The following HDC variants were observed in gnomAD, a reference collection of about 807,000 sequenced individuals.
HDC encodes histidine decarboxylase.
Under a neutral mutation model 64.4 loss-of-function variants are expected in HDC, and 27 were observed. The ratio of observed to expected loss-of-function variants is 0.42; its 90% CI spans 0.31 to 0.58. HDC has a LOEUF of 0.58. HDC is among the 20% of genes least tolerant of loss of function. The probability of loss-of-function intolerance (pLI) is 0.16; values close to 1 mark genes in which losing one functional copy is unlikely to be tolerated. For synonymous variants in HDC, 305 were observed against 314.2 expected (o/e 0.97, Z 0.31); for missense variants, 711 against 833.9 (o/e 0.85, Z 1.81).
chr15:50,264,505 A>T (rs1422705648), intron 1 of HDC, among the ~76,000 whole-genome samples: 1 of 152,236 alleles, frequency 6.6e-6, no homozygotes, highest in African/African-American at 2.4e-5. Flanking sequence ...GGAAGGAAAA[A>T]AAAGTCAAGT....
At chr15:50,251,427 T>C (rs1405355229) in intron 9 of HDC, among the ~76,000 whole-genome samples, 1 of 152,178 alleles carries the variant, frequency 6.6e-6, no homozygotes, top group Non-Finnish European at 1.5e-5. Context: ...ATTTTACAGA[T>C]AAGGAAAGCA....
rs2045408047 is a variant in HDC at position 50,242,426 on chromosome 15, C to T, written c.1823G>A (p.Gly608Asp). The T allele has an allele frequency of 6.2e-7, 1 of 1,614,142 alleles. No homozygotes were observed. Among genetic ancestry groups the T allele is most frequent in the Non-Finnish European group, 8.5e-7 (1 of 1,180,014 alleles). ...LPTEASVKNG[G>D]SSRVRIFSRF... ...GGAAAAGATTCTGACCCTGGAGGAG[C>T]CCCCATTCTTCACAGAGGCCTCTGT... Residue 608 changes from glycine to aspartate, a missense_variant, in exon 12 of 12, where the codon GGC becomes GAC. Around this residue, in one of 3 missense-constraint regions of HDC, gnomAD observed 483 missense variants for 540.9 expected, o/e 0.89. Coordinates refer to ENST00000267845, the MANE Select transcript of HDC (RefSeq NM_002112.4).
intron 3 of HDC, 47 bp from the exon 4 acceptor site, chr15:50,257,594 A>G: frequency 6.2e-7 from 1 of 1,607,936 alleles, no homozygotes; most frequent in Non-Finnish European, 8.5e-7. Flanking sequence ...CAGGGCACTG[A>G]GGTGCCCCCA....
chr15:50,252,698 C>G lies in HDC; in HGVS notation c.864G>C (p.Gly288=). The change falls in exon 8 of 12, where the codon GGG becomes GGC. Residue 288 remains glycine (G), a synonymous_variant. Transcript: ENST00000267845. ...GTAFLCPEFR[G]FLKGIEYADS... is the part of the protein sequence containing the mutation. Reference sequence around the variant, plus strand: ...CGGCATACTCAATCCCCTTCAGAAACCCCCGGAACTCGGGGCACAGGAAGG... The same window carrying G: ...CGGCATACTCAATCCCCTTCAGAAAGCCCCGGAACTCGGGGCACAGGAAGG... 6.2e-7 allele frequency: 1 copy of G among 1,614,080 alleles called. No individual in the cohort carries two copies. Among genetic ancestry groups the G allele is most frequent in the Non-Finnish European group, 8.5e-7 (1 of 1,180,018 alleles).
At position 50,248,754 on chromosome 15, in the gene HDC, AAGT is replaced by A. The variant is rs1219976274; in HGVS notation, c.1042-414_1042-412del. ...CTATTTTTATTCCTCCCAAAATGTA[AAGT>A]ATGGTAGTTAGAGCACAGACACTAG... On this transcript the variant is annotated intron_variant, in intron 9 of 11. Transcript: ENST00000267845. This position sits in a 1 kb window ranked among gnomAD's most constrained non-coding sequence, Gnocchi z 4.3. 6.6e-6 allele frequency among the ~76,000 whole-genome samples: 1 copy of A among 152,188 alleles called. No individual in the cohort carries two copies.
At chr15:50,246,925 T>C (rs546254485) in intron 10 of HDC, among the ~76,000 whole-genome samples, 3 of 152,116 alleles carry the variant, frequency 2.0e-5, no homozygotes, top group Non-Finnish European at 4.4e-5. Flanking sequence ...AAAGGTAAAA[T>C]TACCAACATT....
In HDC at chr15:50,254,148, C is replaced by T. The variant is rs1401549333; in HGVS notation, c.702G>A (p.Arg234=). 1 of 1,614,214 alleles carries T rather than the reference C, an allele frequency of 6.2e-7. No individual in the cohort carries two copies. Among genetic ancestry groups the T allele is most frequent in the East Asian group, 2.2e-5 (1 of 44,890 alleles). ...LQKAIEEDKQ[R]GLVPVFVCAT... ...GACTTACAAAGACGGGCACCAAGCC[C>T]CGCTGCTTGTCTTCCTCGATGGCCT... Residue 234 remains arginine, a synonymous_variant, in exon 6 of 12, where the codon CGG becomes CGA. Coordinates refer to ENST00000267845, the MANE Select transcript of HDC (RefSeq NM_002112.4).
In HDC at chr15:50,254,667, G is replaced by T. The variant is rs1288919954; in HGVS notation, c.442-3C>A. ...AAAGTGGATTCACTGACCGTGCTCT[G>T]CAGGGGAAAAGGATTATCATGGCAG... On this transcript the variant is annotated splice_polypyrimidine_tract_variant and splice_region_variant and intron_variant, in intron 4 of 11. Transcript: ENST00000267845. 1.2e-6 allele frequency: 2 copies of T among 1,613,878 alleles called. No homozygotes were observed. Among genetic ancestry groups the T allele is most frequent in the Non-Finnish European group, 1.7e-6 (2 of 1,179,954 alleles).
chr15:50,246,283 G>A (rs1383061602), intron 10 of HDC, among the ~76,000 whole-genome samples: 2 of 152,194 alleles, frequency 1.3e-5, no homozygotes, highest in African/African-American at 4.8e-5. Flanking sequence ...TCACCGTCAA[G>A]TTGAAGAGAT....
At chr15:50,245,003 TCTC>T (rs942722149) in intron 10 of HDC, 2 of 152,108 alleles carry the variant, frequency 1.3e-5, no homozygotes, top group Non-Finnish European at 2.9e-5. Flanking sequence ...AGTAGGTAGA[TCTC>T]CTCCCACTGT....
In HDC at chr15:50,254,545, G is replaced by A. The variant is rs35806322; in HGVS notation, c.561C>T (p.Ala187=). The part of the protein sequence containing the change: ...DESCLNARLV[A]YASDQAHSSV... ...GGCAACTCACCTGGTCAGAGGCATA[G>A]GCCACGAGTCGGGCATTTAGGCAGG... Residue 187 remains alanine, a synonymous_variant, in exon 5 of 12, where the codon GCC becomes GCT. Transcript: ENST00000267845. 279 of 1,614,256 alleles carry A rather than the reference G, an allele frequency of 1.7e-4. No individual in the cohort carries two copies. In the African/African-American group the frequency reaches 3.4e-3, roughly 20 times the overall value.
chr15:50,258,602 A>C, intron 2 of HDC, 85 bp from the exon 3 acceptor site: 9 of 782,316 alleles, frequency 1.2e-5, no homozygotes, highest in Non-Finnish European at 2.0e-5. Flanking sequence ...TGGCAAGGTG[A>C]AGTGTCACTC....
At chr15:50,261,055 G>A (rs547480396) in intron 2 of HDC, among the ~76,000 whole-genome samples, 2 of 152,300 alleles carry the variant, frequency 1.3e-5, no homozygotes, top group East Asian at 3.9e-4. Context: ...TGAGTTGAGA[G>A]ATTTGACCAT....
intron 3 of HDC, among the ~76,000 whole-genome samples, chr15:50,258,024 C>G (rs2045655060): frequency 6.6e-6 from 1 of 151,442 alleles, no homozygotes; most frequent in African/African-American, 2.4e-5. Context: ...TAGGACATAT[C>G]TCCAGCTACT....
intron 1 of HDC, among the ~76,000 whole-genome samples, chr15:50,264,163 C>T (rs2045739840): frequency 6.6e-6 from 1 of 152,108 alleles, no homozygotes; most frequent in Non-Finnish European, 1.5e-5. Flanking sequence ...TGCCCAGTTC[C>T]GATAAAGGAC....
At chr15:50,265,509 C>T (rs1244002163) in intron 1 of HDC, 84 bp downstream of exon 1, 1 of 1,241,778 alleles carries the variant, frequency 8.1e-7, no homozygotes, top group Non-Finnish European at 1.2e-6. Context: ...TCAAATGTCA[C>T]CCCAGAATCT....
chr15:50,244,093 G>A (rs1215094458), intron 10 of HDC, among the ~76,000 whole-genome samples: 1 of 151,994 alleles, frequency 6.6e-6, no homozygotes, highest in Non-Finnish European at 1.5e-5. Context: ...AAATGTCCTG[G>A]GGTTTTTTGC....
intron 1 of HDC, 47 bp downstream of exon 1, chr15:50,265,545 CT>C (rs1215041781): frequency 1.3e-6 from 2 of 1,585,408 alleles, no homozygotes; most frequent in Non-Finnish European, 1.7e-6. Flanking sequence ...GCAGCCGTTC[CT>C]GCAGGAGTAG....
intron 5 of HDC, 75 bp downstream of exon 5, chr15:50,254,455 A>G: frequency 6.2e-7 from 1 of 1,607,800 alleles, no homozygotes; most frequent in Non-Finnish European, 8.5e-7. Flanking sequence ...CACGTCTAGA[A>G]AAAAATTGCT....
Sources: allele counts gnomAD v4.1 joint callset (sites outside exome capture counted in the v4.1 genomes callset), GRCh38; gene constraint gnomAD v4.1.1; regional missense constraint gnomAD v4.1.1; non-coding constraint Gnocchi (gnomAD v3.1); transcripts MANE v1.5; gene names NCBI Gene and HGNC (gene_info 2026-07-23, HGNC 2026-07-21).